MAGI1: variants seen among roughly 807,000 people sequenced by gnomAD.
The protein encoded by MAGI1 is membrane-associated guanylate kinase, WW and PDZ domain-containing protein 1.
In MAGI1, 58 loss-of-function variants were observed where a neutral mutation model predicts 139.9. That is an observed-to-expected ratio of 0.41 (90% CI 0.34 to 0.52). MAGI1 has a LOEUF of 0.52. MAGI1 is among the 20% of genes least tolerant of loss of function. MAGI1 has a pLI of 0.12. For synonymous variants in MAGI1, 812 were observed against 737.9 expected, an observed-to-expected ratio of 1.10 and a Z score of -1.63; for missense variants, 1,874 against 1,901.6, an observed-to-expected ratio of 0.99 and a Z score of 0.27.
At chr3:65,499,139 T>C (rs1158181061) in intron 2 of MAGI1, 2 of 564,548 alleles carry the variant, frequency 3.5e-6, no homozygotes, top group African/African-American at 2.1e-5. Context: ...AAAAATTCCA[T>C]TGATTCCTAT....
intron 1 of MAGI1, among the ~76,000 whole-genome samples, chr3:65,627,348 T>C (rs1383688662): frequency 2.0e-5 from 3 of 152,170 alleles, no homozygotes; most frequent in South Asian, 4.1e-4. Flanking sequence ...CCAGTCATTA[T>C]GCAACAACCA....
chr3:65,482,439 G>A (rs144748664), intron 3 of MAGI1, among the ~76,000 whole-genome samples: 58 of 152,280 alleles, frequency 3.8e-4, no homozygotes, highest in African/African-American at 1.3e-3. Context: ...TGGTAACTGA[G>A]CACTAAGCAA....
intron 2 of MAGI1, among the ~76,000 whole-genome samples, chr3:65,495,285 T>C (rs1301782178): frequency 6.6e-6 from 1 of 152,172 alleles, no homozygotes; most frequent in African/African-American, 2.4e-5. Context: ...AATCCATAAG[T>C]TTGTTGTGTG....
chr3:65,993,313 C>A (rs1325766797), intron 1 of MAGI1, among the ~76,000 whole-genome samples: 1 of 152,154 alleles, frequency 6.6e-6, no homozygotes, highest in Non-Finnish European at 1.5e-5. Flanking sequence ...CTTAAAATGA[C>A]ACCTCTGCCT....
At chr3:65,432,556 C>T (rs922605166) in intron 10 of MAGI1, among the ~76,000 whole-genome samples, 5 of 152,134 alleles carry the variant, frequency 3.3e-5, no homozygotes, top group Non-Finnish European at 7.3e-5. Flanking sequence ...TGCTCTCTAG[C>T]GCAGTCCCAA....
chr3:65,478,015 T>C (rs1951006786), intron 4 of MAGI1, among the ~76,000 whole-genome samples: 1 of 152,016 alleles, frequency 6.6e-6, no homozygotes, highest in Admixed American at 6.6e-5. Flanking sequence ...ATAGAATGCA[T>C]ATATAGATAT....
At chr3:65,869,361 T>C (rs1488081539) in intron 1 of MAGI1, among the ~76,000 whole-genome samples, 2 of 141,594 alleles carry the variant, frequency 1.4e-5, no homozygotes. Flanking sequence ...AAGGCAAGAC[T>C]GGTTTTTTGT....
At chr3:65,440,062 G>T (rs753920777) in intron 8 of MAGI1, 50 bp from the exon 9 acceptor site, 1 of 1,602,166 alleles carries the variant, frequency 6.2e-7, no homozygotes. Context: ...CATCCCACCA[G>T]CAAAATGCCA....
intron 2 of MAGI1, among the ~76,000 whole-genome samples, chr3:65,498,377 G>A (rs969455724): frequency 3.3e-5 from 5 of 151,090 alleles, no homozygotes; most frequent in African/African-American, 7.3e-5. Flanking sequence ...TTGGGCCAAC[G>A]ATATCTTGCA....
chr3:65,686,927 G>T (rs1006500924), intron 1 of MAGI1, among the ~76,000 whole-genome samples: 18 of 152,140 alleles, frequency 1.2e-4, no homozygotes, highest in Non-Finnish European at 2.1e-4. Flanking sequence ...GGTCTTTCTG[G>T]TTTACGGTAG....
intron 1 of MAGI1, among the ~76,000 whole-genome samples, chr3:66,027,915 G>C (rs950580843): frequency 1.8e-4 from 27 of 152,174 alleles, no homozygotes; most frequent in African/African-American, 6.5e-4. Flanking sequence ...AATGGCTCCA[G>C]ACGTTGCCAA....
intron 1 of MAGI1, among the ~76,000 whole-genome samples, chr3:65,773,122 A>G (rs1213793987): frequency 6.6e-6 from 1 of 152,226 alleles, no homozygotes; most frequent in Non-Finnish European, 1.5e-5. Flanking sequence ...TAAAGTATTC[A>G]TAAAAGTACC....
At chr3:65,732,513 C>G (rs1432303201) in intron 1 of MAGI1, among the ~76,000 whole-genome samples, 2 of 152,204 alleles carry the variant, frequency 1.3e-5, no homozygotes, top group Non-Finnish European at 2.9e-5. Context: ...AAGCTGCTCT[C>G]TGCTACCCTC....
At chr3:65,548,341 G>A (rs539398852) in intron 2 of MAGI1, among the ~76,000 whole-genome samples, 8 of 151,958 alleles carry the variant, frequency 5.3e-5, no homozygotes, top group Non-Finnish European at 7.4e-5. Context: ...CACACAGCTC[G>A]CAAGAAGGCC....
intron 10 of MAGI1, among the ~76,000 whole-genome samples, chr3:65,433,514 T>C (rs1947612150): frequency 6.6e-6 from 1 of 152,096 alleles, no homozygotes; most frequent in African/African-American, 2.4e-5. Flanking sequence ...TAATGTAGCT[T>C]TTGGAAAGAA....
chr3:65,846,984 A>AACAAAAAC (rs1553716733), intron 1 of MAGI1, among the ~76,000 whole-genome samples: 1 of 125,372 alleles, frequency 8.0e-6, no homozygotes, highest in Non-Finnish European at 1.9e-5. Flanking sequence ...TACAAAAAAA[A>AACAAAAAC]AAAAAAAAAA....
intron 1 of MAGI1, among the ~76,000 whole-genome samples, chr3:66,018,410 G>T (rs2107539288): frequency 6.6e-6 from 1 of 152,224 alleles, no homozygotes; most frequent in Middle Eastern, 3.4e-3. Flanking sequence ...TAAACCCTGG[G>T]ATTCCAAAAT....
At chr3:65,856,865 T>G (rs936452559) in intron 1 of MAGI1, among the ~76,000 whole-genome samples, 2 of 152,196 alleles carry the variant, frequency 1.3e-5, no homozygotes, top group African/African-American at 4.8e-5. Flanking sequence ...CATGCTCAAG[T>G]TCATGAGACG....
chr3:65,402,762 G>C (rs186802522), intron 12 of MAGI1, among the ~76,000 whole-genome samples: 1 of 152,114 alleles, frequency 6.6e-6, no homozygotes, highest in Non-Finnish European at 1.5e-5. Context: ...CAGATGAGCC[G>C]GCAGAGTGCC....
Sources: allele counts gnomAD v4.1 joint callset (sites outside exome capture counted in the v4.1 genomes callset), GRCh38; gene constraint gnomAD v4.1.1; transcripts MANE v1.5; gene names NCBI Gene and HGNC (gene_info 2026-07-23, HGNC 2026-07-21).